Variants in FNBP1 observed in about 807,000 individuals in gnomAD.
FNBP1 encodes formin-binding protein 1.
Under a neutral mutation model 90.6 loss-of-function variants are expected in FNBP1, and 26 were observed. The observed-to-expected ratio is 0.29, with a 90% CI of 0.21 to 0.40. The LOEUF (loss-of-function observed/expected upper bound fraction) is 0.40, where lower values mean the gene tolerates loss of function less well. Ranked by LOEUF, FNBP1 falls within the 10% of genes least tolerant of loss-of-function variation. The pLI, the probability that FNBP1 is intolerant of heterozygous loss-of-function variation, is 1.00. For synonymous variants in FNBP1, 260 were observed against 265.2 expected (o/e 0.98, Z 0.19); for missense variants, 635 against 768.0 (o/e 0.83, Z 2.05).
rs543887596 is a variant in FNBP1 at position 130,016,616 on chromosome 9, G to A, written c.25-21658C>T. 1.3e-3 allele frequency among the ~76,000 whole-genome samples: 191 copies of A among 152,230 alleles called. 3 individuals carry two copies. The highest frequency in any genetic ancestry group is 8.8e-4 in the Non-Finnish European group (60 of 68,022). The stretch of plus-strand genomic sequence containing the variant: ...AAATTAGCTGGGCGTGGTGGTGCAC[G>A]CCTGTAATTAGAGCTACTCAGGAGG... On this transcript the variant is annotated intron_variant, in intron 1 of 16. Coordinates refer to ENST00000446176, the MANE Select transcript of FNBP1 (RefSeq NM_015033.3).
At chr9:130,033,812 G>A (rs1327138691) in intron 1 of FNBP1, among the ~76,000 whole-genome samples, 1 of 133,196 alleles carries the variant, frequency 7.5e-6, no homozygotes, top group Non-Finnish European at 1.5e-5. Flanking sequence ...CTAACACAGT[G>A]ACTAACATGG....
In FNBP1 at chr9:130,043,136, G is replaced by C; in HGVS notation, c.-161C>G. The C allele has an allele frequency of 2.0e-6, 1 of 511,748 alleles. No individual in the cohort carries two copies. Among genetic ancestry groups the C allele is most frequent in the Non-Finnish European group, 3.0e-6 (1 of 333,936 alleles). 31.7% of individuals were successfully genotyped at this position (511,748 alleles called of 1,614,324 possible). ...GCTCCTCGCCCGGGGTCTCCTCGGCGGCTCCTCCTCCCCGCCGCTCCACAG... is the reference window on the plus strand; with the variant it reads ...GCTCCTCGCCCGGGGTCTCCTCGGCCGCTCCTCCTCCCCGCCGCTCCACAG... On this transcript the variant is annotated 5_prime_UTR_variant, in exon 1 of 17. Transcript: ENST00000446176.
chr9:129,965,759 T>G (rs183459689), intron 4 of FNBP1, among the ~76,000 whole-genome samples: 1,013 of 82,844 alleles, frequency 0.012, 14 homozygotes, highest in African/African-American at 0.04. Flanking sequence ...GGGAAGGAAG[T>G]GAAGGAAGGG....
At chr9:129,928,049 T>C (rs572991192) in intron 7 of FNBP1, among the ~76,000 whole-genome samples, 3 of 152,358 alleles carry the variant, frequency 2.0e-5, no homozygotes, top group South Asian at 4.1e-4. Flanking sequence ...CATGCTAGTG[T>C]ATCTTCCAAC....
chr9:129,945,764 GATC>G (rs1260976928), intron 6 of FNBP1, among the ~76,000 whole-genome samples: 1 of 152,156 alleles, frequency 6.6e-6, no homozygotes, highest in Non-Finnish European at 1.5e-5. Context: ...TTATCAAACT[GATC>G]ATCATTTAAA....
At chr9:130,002,919 C>T (rs780518610) in intron 1 of FNBP1, among the ~76,000 whole-genome samples, 23 of 152,156 alleles carry the variant, frequency 1.5e-4, no homozygotes, top group Non-Finnish European at 3.1e-4. Flanking sequence ...GAATTCAAAC[C>T]AACCAAAGGT....
chr9:129,896,822 G>A (rs552449723), intron 15 of FNBP1, among the ~76,000 whole-genome samples: 65 of 151,862 alleles, frequency 4.3e-4, no homozygotes, highest in African/African-American at 1.4e-3. Context: ...GTAGAGACGA[G>A]GTTTCACCAT....
At chr9:129,948,783 C>T (rs143025732) in intron 6 of FNBP1, among the ~76,000 whole-genome samples, 1 of 151,978 alleles carries the variant, frequency 6.6e-6, no homozygotes, top group Admixed American at 6.6e-5. Flanking sequence ...TCAAGTGATC[C>T]GCCAGCCTCA....
At position 130,019,706 on chromosome 9, in the gene FNBP1, T is replaced by C. The variant is rs1033013455; in HGVS notation, c.24+23246A>G. On this transcript the variant is annotated intron_variant, in intron 1 of 16. Transcript: ENST00000446176. ...TGGCTAGCCAGAGAGAAACCTCATT[T>C]TTTTCAAGTGGTCAAATGCATAATG... Among the ~76,000 whole-genome samples the C allele has an allele frequency of 5.9e-5, 9 of 152,374 alleles. No individual in the cohort carries two copies. In the East Asian group the frequency reaches 1.7e-3, roughly 29 times the overall value.
At chr9:129,985,961 C>CA (rs898462142) in intron 2 of FNBP1, among the ~76,000 whole-genome samples, 5,134 of 44,858 alleles carry the variant, frequency 0.11, 344 homozygotes, top group Non-Finnish European at 0.13. Flanking sequence ...AGCTCCATCT[C>CA]AAAAAAAAAA....
Sources: allele counts gnomAD v4.1 joint callset (sites outside exome capture counted in the v4.1 genomes callset), GRCh38; gene constraint gnomAD v4.1.1; transcripts MANE v1.5; gene names NCBI Gene and HGNC (gene_info 2026-07-23, HGNC 2026-07-21).